CDH12: variants seen among roughly 807,000 people sequenced by gnomAD.
The protein encoded by CDH12 is cadherin 12.
Under a neutral mutation model 74.1 loss-of-function variants are expected in CDH12, and 41 were observed. That is an observed-to-expected ratio of 0.55 (90% confidence interval 0.43 to 0.72). CDH12 has a LOEUF of 0.72. Among genes scored for constraint, CDH12 ranks in the 30% least tolerant of loss-of-function variants. CDH12 has a pLI of 0.00. For missense variants in CDH12, 945 were observed against 977.2 expected (o/e 0.97, Z 0.44); for synonymous variants, 399 against 355.0 (o/e 1.12, Z -1.39).
intron 5 of CDH12, among the ~76,000 whole-genome samples, chr5:22,011,843 A>T (rs1180580019): frequency 6.6e-6 from 1 of 152,134 alleles, no homozygotes; most frequent in Non-Finnish European, 1.5e-5. Context: ...CAAAACACAC[A>T]CAATACTTGA....
intron 9 of CDH12, among the ~76,000 whole-genome samples, chr5:21,815,406 C>T (rs970206981): frequency 1.3e-5 from 2 of 152,024 alleles, no homozygotes; most frequent in Non-Finnish European, 2.9e-5. Context: ...CTATAATTTG[C>T]CTCACTATTA....
At chr5:22,674,038 C>A (rs1032683036) in intron 1 of CDH12, among the ~76,000 whole-genome samples, 2 of 152,148 alleles carry the variant, frequency 1.3e-5, no homozygotes, top group African/African-American at 2.4e-5. Context: ...AATAACAGAA[C>A]AATTCTGTGT....
chr5:22,538,131 T>C (rs1737940515), intron 1 of CDH12, among the ~76,000 whole-genome samples: 1 of 152,190 alleles, frequency 6.6e-6, no homozygotes, highest in African/African-American at 2.4e-5. Context: ...ATCTTTTTTC[T>C]TCACCCCAAG....
At chr5:21,880,503 C>CT (rs1425029718) in intron 6 of CDH12, among the ~76,000 whole-genome samples, 384 of 7,140 alleles carry the variant, frequency 0.054, 24 homozygotes, top group East Asian at 0.32. Context: ...TCCTTCCTTC[C>CT]TCCCTCCCTC....
Position 21,987,390 on chromosome 5 carries a change from C to G in CDH12, c.232-12005G>C, listed in dbSNP as rs527603250. 2.6e-5 allele frequency among the ~76,000 whole-genome samples: 4 copies of G among 152,198 alleles called. No homozygotes were observed. In the South Asian group the frequency reaches 8.3e-4, roughly 32 times the overall value. The stretch of plus-strand genomic sequence containing the variant: ...TTATTTGCAGTATAGACAAAATGAC[C>G]TATGAATCAAGCATTTTGTTCCACA... On this transcript the variant is annotated intron_variant, in intron 5 of 14. Transcript: ENST00000382254.
intron 13 of CDH12, among the ~76,000 whole-genome samples, chr5:21,757,086 C>G (rs1484740698): frequency 1.3e-5 from 2 of 152,138 alleles, no homozygotes; most frequent in East Asian, 1.9e-4. Flanking sequence ...TCTGGTGTGT[C>G]TGCACTTGGG....
chr5:21,983,062 C>T (rs557014025), intron 5 of CDH12, among the ~76,000 whole-genome samples: 79 of 152,128 alleles, frequency 5.2e-4, no homozygotes, highest in African/African-American at 1.8e-3. Context: ...CTTTATTAAT[C>T]TCCTGGTTTG....
rs112146213 is a variant in CDH12 at position 21,854,678 on chromosome 5, G to A, written c.639C>T (p.Pro213=). 170 of 1,605,780 alleles carry A rather than the reference G, an allele frequency of 1.1e-4. 1 individual carries two copies. Among genetic ancestry groups the A allele is most frequent in the Non-Finnish European group, 1.4e-4 (165 of 1,174,804 alleles). Residue 213 remains proline (P), a synonymous_variant, in exon 7 of 15, where the codon CCC becomes CCT. Coordinates refer to ENST00000382254, the MANE Select transcript of CDH12 (RefSeq NM_004061.5). ...CTCTAATAAAAAATTTACCTGTCTT[G>A]GGATCAATAGAGAAATAAGGTTGTC... ...LQGQPYFSID[P]KTGVIRTALP...
At chr5:21,880,428 C>A (rs917865010) in intron 6 of CDH12, among the ~76,000 whole-genome samples, 1 of 151,008 alleles carries the variant, frequency 6.6e-6, no homozygotes, top group East Asian at 2.0e-4. Context: ...GCTCTATATA[C>A]AATGCTTTTC....
At chr5:21,803,331 G>T (rs1380127761) in intron 9 of CDH12, among the ~76,000 whole-genome samples, 4 of 151,920 alleles carry the variant, frequency 2.6e-5, no homozygotes, top group Non-Finnish European at 2.9e-5. Flanking sequence ...AATTTAAAAA[G>T]AATTTTTGTG....
At chr5:21,830,104 C>A (rs569619852) in intron 8 of CDH12, among the ~76,000 whole-genome samples, 7 of 135,820 alleles carry the variant, frequency 5.2e-5, no homozygotes, top group African/African-American at 1.7e-4. Context: ...GAGGCTGAGG[C>A]AAGAGAATCA....
At chr5:22,580,003 T>TC (rs980303190) in intron 1 of CDH12, among the ~76,000 whole-genome samples, 15 of 152,102 alleles carry the variant, frequency 9.9e-5, no homozygotes, top group African/African-American at 2.9e-4. Context: ...GCTACTTTTT[T>TC]CCCCGCTCAC....
chr5:22,493,824 C>A (rs1746990169), intron 2 of CDH12, among the ~76,000 whole-genome samples: 3 of 152,042 alleles, frequency 2.0e-5, no homozygotes, highest in Admixed American at 2.0e-4. Flanking sequence ...ACCATGGGAC[C>A]TGGAAACAAG....
intron 8 of CDH12, among the ~76,000 whole-genome samples, chr5:21,818,206 G>C (rs1317388105): frequency 6.6e-6 from 1 of 151,918 alleles, no homozygotes; most frequent in Non-Finnish European, 1.5e-5. Context: ...ACCGGATTTA[G>C]AATGGCTCTT....
chr5:22,462,183 T>G (rs1745551370), intron 2 of CDH12, among the ~76,000 whole-genome samples: 1 of 152,002 alleles, frequency 6.6e-6, no homozygotes, highest in Non-Finnish European at 1.5e-5. Flanking sequence ...GTCTGACAAA[T>G]AATATATCAA....
chr5:22,541,104 T>C (rs1738079223), intron 1 of CDH12, among the ~76,000 whole-genome samples: 1 of 152,198 alleles, frequency 6.6e-6, no homozygotes, highest in Non-Finnish European at 1.5e-5. Context: ...TAGTAAGTTC[T>C]ATGTAAGAGT....
At chr5:21,849,795 T>C (rs1392410126) in intron 7 of CDH12, among the ~76,000 whole-genome samples, 1 of 151,786 alleles carries the variant, frequency 6.6e-6, no homozygotes, top group Non-Finnish European at 1.5e-5. Flanking sequence ...AGCAATCCCT[T>C]TTCTGGGTCT....
At chr5:22,563,055 AATATAT>A (rs1204918390) in intron 1 of CDH12, among the ~76,000 whole-genome samples, 1 of 147,364 alleles carries the variant, frequency 6.8e-6, no homozygotes, top group Non-Finnish European at 1.5e-5. Flanking sequence ...GATATATTTA[AATATAT>A]ATAGATTTAT....
chr5:22,249,632 G>C (rs1263675431), intron 3 of CDH12, among the ~76,000 whole-genome samples: 1 of 152,128 alleles, frequency 6.6e-6, no homozygotes, highest in Non-Finnish European at 1.5e-5. Flanking sequence ...TTACAATTCA[G>C]AATGGAATCA....
Sources: gnomAD v4.1 joint callset for allele counts (sites outside exome capture counted in the v4.1 genomes callset) on GRCh38, gnomAD v4.1.1 for gene constraint, MANE v1.5 for transcripts, NCBI Gene and HGNC (gene_info 2026-07-23, HGNC 2026-07-21) for gene names.